Variants in ATF7 observed in about 807,000 individuals in gnomAD.
ATF7 encodes the protein activating transcription factor 7, also known as cyclic AMP-dependent transcription factor ATF-7.
A neutral mutation model predicts 50.4 loss-of-function variants in ATF7; 10 were observed. That is an observed-to-expected ratio of 0.20 (90% CI 0.12 to 0.34). ATF7 has a LOEUF of 0.34. Ranked by LOEUF, ATF7 falls within the 10% of genes least tolerant of loss-of-function variation. ATF7 has a pLI of 1.00. For synonymous variants in ATF7, 201 were observed against 226.4 expected (o/e 0.89, Z 1.01); for missense variants, 465 against 613.9 (o/e 0.76, Z 2.56).
At chr12:53,545,099 A>T (rs543010683) in intron 3 of ATF7, among the ~76,000 whole-genome samples, 1 of 152,212 alleles carries the variant, frequency 6.6e-6, no homozygotes, top group East Asian at 1.9e-4. Context: ...CAGAGGAGGG[A>T]CTTTCAGACC....
At chr12:53,564,575 A>G (rs2137581784) in intron 2 of ATF7, among the ~76,000 whole-genome samples, 1 of 152,348 alleles carries the variant, frequency 6.6e-6, no homozygotes, top group South Asian at 2.1e-4. Context: ...CATAGGTGTC[A>G]AACAGTGTCA....
intron 4 of ATF7, among the ~76,000 whole-genome samples, chr12:53,539,050 A>G (rs17100291): frequency 0.069 from 10,425 of 152,174 alleles, 540 homozygotes; most frequent in East Asian, 0.22. Flanking sequence ...AAAGTTCCAC[A>G]CTCATTAAAC....
intron 1 of ATF7, among the ~76,000 whole-genome samples, chr12:53,614,503 C>A (rs2137902909): frequency 1.3e-5 from 2 of 152,238 alleles, no homozygotes; most frequent in South Asian, 2.1e-4. Flanking sequence ...AATTTAAAAT[C>A]TTAAACAGGC....
chr12:53,604,196 G>C (rs1310910423), intron 1 of ATF7, among the ~76,000 whole-genome samples: 2 of 152,178 alleles, frequency 1.3e-5, no homozygotes, highest in Non-Finnish European at 2.9e-5. Flanking sequence ...GGAAGACAAA[G>C]ATGCATAAAA....
At chr12:53,528,896 G>A (rs368474794) in intron 9 of ATF7, among the ~76,000 whole-genome samples, 3 of 152,238 alleles carry the variant, frequency 2.0e-5, no homozygotes, top group East Asian at 1.9e-4. Flanking sequence ...TGAAAGACTA[G>A]GCCAAGAGAA....
At chr12:53,520,563 A>G (rs1938057799) in intron 11 of ATF7, among the ~76,000 whole-genome samples, 1 of 152,146 alleles carries the variant, frequency 6.6e-6, no homozygotes, top group South Asian at 2.1e-4. Context: ...AAAACTAGCT[A>G]TATGCTGCCG....
chr12:53,510,422 T>G (rs1239835961), downstream of ATF7, among the ~76,000 whole-genome samples: 3 of 152,200 alleles, frequency 2.0e-5, no homozygotes, highest in Non-Finnish European at 4.4e-5. Context: ...CCCAGAATGA[T>G]CCTTGTCTGC....
chr12:53,530,442 A>T (rs1938797847), intron 9 of ATF7, among the ~76,000 whole-genome samples: 1 of 152,172 alleles, frequency 6.6e-6, no homozygotes, highest in Non-Finnish European at 1.5e-5. Context: ...TAAAACTGAG[A>T]TCTCCTTGAG....
At chr12:53,600,562 C>T (rs1592963949) in intron 2 of ATF7, among the ~76,000 whole-genome samples, 1 of 152,260 alleles carries the variant, frequency 6.6e-6, no homozygotes, top group Non-Finnish European at 1.5e-5. Flanking sequence ...CAACTCCTGA[C>T]CTCAGGTGAT....
intron 2 of ATF7, among the ~76,000 whole-genome samples, chr12:53,582,326 T>TAAA (rs559306732): frequency 9.6e-6 from 1 of 103,964 alleles, no homozygotes. Context: ...AGACTCTGTC[T>TAAA]AAAAAAAAAA....
chr12:53,519,384 G>A (rs1245551980), intron 11 of ATF7, among the ~76,000 whole-genome samples: 1 of 152,052 alleles, frequency 6.6e-6, no homozygotes, highest in African/African-American at 2.4e-5. Flanking sequence ...CCACACAGCA[G>A]GAACTAAATA....
intron 9 of ATF7, among the ~76,000 whole-genome samples, chr12:53,525,340 C>T (rs896056835): frequency 6.6e-6 from 1 of 151,930 alleles, no homozygotes; most frequent in Non-Finnish European, 1.5e-5. Context: ...GCAACAAGAG[C>T]GAAACTCCGT....
In ATF7 at chr12:53,585,105, T is replaced by A. The variant is rs1565979081; in HGVS notation, c.48+15848A>T. On this transcript the variant is annotated intron_variant, in intron 2 of 11. Transcript: ENST00000420353. ...CTCCCACCTCAGCCTCCTGAATAGC[T>A]GGGACTACAGGTGCACATTACCACA... Among the ~76,000 whole-genome samples the A allele has an allele frequency of 3.9e-5, 6 of 152,102 alleles. No homozygotes were observed. The South Asian group carries it at 1.0e-3, about 26-fold the overall frequency.
At chr12:53,617,889 C>CA (rs71444812) in intron 1 of ATF7, among the ~76,000 whole-genome samples, 27,681 of 119,824 alleles carry the variant, frequency 0.23, 2,961 homozygotes, top group East Asian at 0.55. Flanking sequence ...TACAGAAGAC[C>CA]AAAAAAAAAA....
At chr12:53,614,705 A>T (rs772363315) in intron 1 of ATF7, among the ~76,000 whole-genome samples, 1 of 152,212 alleles carries the variant, frequency 6.6e-6, no homozygotes, top group Non-Finnish European at 1.5e-5. Context: ...ATGCTCGCCA[A>T]TTCACTCTCA....
intron 4 of ATF7, chr12:53,543,105 G>T: frequency 1.3e-5 from 19 of 1,411,526 alleles, no homozygotes; most frequent in Non-Finnish European, 1.7e-5. Context: ...AAGAACAAGA[G>T]GACTAATTTT....
intron 4 of ATF7, chr12:53,543,084 T>C (rs10655): frequency 0.015 from 20,741 of 1,369,300 alleles, 296 homozygotes; most frequent in South Asian, 0.066. Context: ...ATTAAACTAA[T>C]ACTCCCCTGG....
chr12:53,611,820 C>T (rs939454240), intron 1 of ATF7, among the ~76,000 whole-genome samples: 1 of 152,078 alleles, frequency 6.6e-6, no homozygotes, highest in Non-Finnish European at 1.5e-5. Context: ...TCTCAAACTC[C>T]TGGCCTCAAG....
At chr12:53,608,209 ACT>A (rs1943696426) in intron 1 of ATF7, among the ~76,000 whole-genome samples, 2 of 133,360 alleles carry the variant, frequency 1.5e-5, no homozygotes, top group South Asian at 2.5e-4. Flanking sequence ...ATAGAACAAG[ACT>A]CTGTCTCAAA....
Sources: gnomAD v4.1 joint callset for allele counts (sites outside exome capture counted in the v4.1 genomes callset) on GRCh38, gnomAD v4.1.1 for gene constraint, MANE v1.5 for transcripts, NCBI Gene and HGNC (gene_info 2026-07-23, HGNC 2026-07-21) for gene names.